Variants in PTPRD observed in about 807,000 individuals in gnomAD.
PTPRD encodes receptor-type tyrosine-protein phosphatase delta.
Under a neutral mutation model 214.5 loss-of-function variants are expected in PTPRD, and 34 were observed. The observed-to-expected ratio is 0.16, with a 90% CI of 0.12 to 0.21. The LOEUF is 0.21. Ranked by LOEUF, PTPRD falls within the 10% of genes least tolerant of loss-of-function variation. The pLI, the probability that PTPRD is intolerant of heterozygous loss-of-function variation, is 1.00. For synonymous variants in PTPRD, 1,128 were observed against 845.7 expected (o/e 1.33, Z -5.79); for missense variants, 2,545 against 2,398.7 (o/e 1.06, Z -1.27).
chr9:8,843,985 A>T (rs1359548038), intron 11 of PTPRD, among the ~76,000 whole-genome samples: 3 of 152,310 alleles, frequency 2.0e-5, no homozygotes, highest in African/African-American at 7.2e-5. Context: ...GGTATCTGAA[A>T]AATGGTCATC....
chr9:9,569,946 A>C (rs1014266283), intron 8 of PTPRD, among the ~76,000 whole-genome samples: 3 of 151,606 alleles, frequency 2.0e-5, no homozygotes, highest in Non-Finnish European at 4.4e-5. Context: ...TTTTGTAACA[A>C]GTAAATATCA....
In PTPRD at chr9:8,546,504, C is replaced by CT. The variant is rs568213553; in HGVS notation, c.353-17726dup. Among the ~76,000 whole-genome samples the CT allele has an allele frequency of 2.1e-3, 313 of 147,714 alleles. 6 individuals carry two copies. The South Asian group carries it at 0.027, about 13-fold the overall frequency. On this transcript the variant is annotated intron_variant, in intron 14 of 45. Coordinates refer to ENST00000381196, the MANE Select transcript of PTPRD (RefSeq NM_002839.4). ...TGGTTTTTCTTTCTTTTTTCTTTTT[C>CT]TTTTTTTTTTGTGAGACAGAGTCTC...
At chr9:9,483,795 T>C (rs75368672) in intron 8 of PTPRD, among the ~76,000 whole-genome samples, 1 of 151,220 alleles carries the variant, frequency 6.6e-6, no homozygotes, top group Non-Finnish European at 1.5e-5. Flanking sequence ...TTTTTTTTTT[T>C]AAGTCATGCT....
intron 43 of PTPRD, among the ~76,000 whole-genome samples, chr9:8,334,104 C>T (rs996202987): frequency 3.3e-5 from 5 of 151,982 alleles, no homozygotes; most frequent in African/African-American, 1.2e-4. Context: ...ACTTTAACAC[C>T]CCACTGTCAA....
In PTPRD at chr9:10,096,509, A is replaced by G. The variant is rs530782510; in HGVS notation, c.-544-62719T>C. Among the ~76,000 whole-genome samples, 544 of 151,986 alleles carry G rather than the reference A, an allele frequency of 3.6e-3. 2 individuals are homozygous for G. Among genetic ancestry groups the G allele is most frequent in the African/African-American group, 0.013 (521 of 41,466 alleles). ...GGCCAGTGATGATGAGCATTTTTTC[A>G]TGTGTCTTTTGGCTGCATAAATGTC... On this transcript the variant is annotated intron_variant, in intron 3 of 45. Coordinates refer to ENST00000381196, the MANE Select transcript of PTPRD (RefSeq NM_002839.4).
At chr9:8,928,380 T>C (rs1588185326) in intron 11 of PTPRD, among the ~76,000 whole-genome samples, 1 of 152,188 alleles carries the variant, frequency 6.6e-6, no homozygotes, top group Admixed American at 6.5e-5. Flanking sequence ...AATTTTTGTA[T>C]AAGGTGTAAG....
intron 12 of PTPRD, among the ~76,000 whole-genome samples, chr9:8,663,537 C>T (rs188073163): frequency 1.3e-5 from 2 of 152,234 alleles, no homozygotes; most frequent in African/African-American, 4.8e-5. Flanking sequence ...GTTGCCCAGG[C>T]TGGAGTGCAG....
chr9:8,943,802 CT>C (rs2099047939), intron 11 of PTPRD, among the ~76,000 whole-genome samples: 1 of 151,090 alleles, frequency 6.6e-6, no homozygotes, highest in African/African-American at 2.4e-5. Flanking sequence ...TATGAAACCA[CT>C]AAAAAAAATG....
At chr9:8,454,707 G>C in intron 33 of PTPRD, 2 of 1,108,984 alleles carry the variant, frequency 1.8e-6, no homozygotes, top group Non-Finnish European at 2.7e-6. Flanking sequence ...CACAAGCAAG[G>C]ACACATAACT....
chr9:9,066,310 G>A (rs1288490195), intron 10 of PTPRD, among the ~76,000 whole-genome samples: 2 of 151,776 alleles, frequency 1.3e-5, no homozygotes, highest in Non-Finnish European at 2.9e-5. Context: ...TTTTTTTCAT[G>A]AGAATGTTTT....
intron 11 of PTPRD, among the ~76,000 whole-genome samples, chr9:8,835,761 C>G (rs2154531115): frequency 6.6e-6 from 1 of 152,286 alleles, no homozygotes; most frequent in African/African-American, 2.4e-5. Flanking sequence ...TGGTCTTGAA[C>G]TCCTGGGCTC....
At chr9:8,688,132 C>T (rs10977250) in intron 12 of PTPRD, among the ~76,000 whole-genome samples, 42,370 of 152,024 alleles carry the variant, frequency 0.28, 6,768 homozygotes, top group African/African-American at 0.44. Context: ...ATTTACAATG[C>T]TGAATAAATG....
intron 10 of PTPRD, among the ~76,000 whole-genome samples, chr9:9,091,612 G>T (rs2099776052): frequency 6.6e-6 from 1 of 152,126 alleles, no homozygotes; most frequent in South Asian, 2.1e-4. Context: ...AACACACTCA[G>T]TAAGTATTTG....
At chr9:9,643,904 A>C (rs988729218) in intron 7 of PTPRD, among the ~76,000 whole-genome samples, 1 of 152,204 alleles carries the variant, frequency 6.6e-6, no homozygotes, top group Non-Finnish European at 1.5e-5. Context: ...TGCCCGCTAA[A>C]GAATTATGTC....
At chr9:8,581,524 G>T (rs1023933016) in intron 14 of PTPRD, among the ~76,000 whole-genome samples, 1 of 148,050 alleles carries the variant, frequency 6.8e-6, no homozygotes, top group African/African-American at 2.5e-5. Context: ...CGAGGTGGGC[G>T]GATCACGAGG....
At chr9:8,436,808 T>C (rs1381699147) in intron 34 of PTPRD, 119 bp from the exon 35 acceptor site, 4 of 756,578 alleles carry the variant, frequency 5.3e-6, no homozygotes, top group Non-Finnish European at 6.4e-6. Context: ...GTAGTAAAGA[T>C]GTTTTAGGTG....
chr9:8,768,341 A>G lies in PTPRD; in HGVS notation c.-103-34395T>C, dbSNP rs72702333. ...TGATGCAGGTGGATCCCTTGAGCCT[A>G]TAAGTTCAGGACCAGTCTGAGCAAC... On this transcript the variant is annotated intron_variant, in intron 11 of 45. Transcript: ENST00000381196. Among the ~76,000 whole-genome samples, 1,178 of 152,316 alleles carry G rather than the reference A, an allele frequency of 7.7e-3. 4 individuals are homozygous for G. The highest frequency in any genetic ancestry group is 0.051 in the Middle Eastern group (15 of 294).
intron 2 of PTPRD, among the ~76,000 whole-genome samples, chr9:10,447,272 A>T (rs2098806651): frequency 6.6e-6 from 1 of 152,042 alleles, no homozygotes; most frequent in Non-Finnish European, 1.5e-5. Context: ...AGCACATGGC[A>T]TGCAGAGAAA....
At chr9:10,239,464 C>T (rs1421817940) in intron 3 of PTPRD, among the ~76,000 whole-genome samples, 1 of 151,878 alleles carries the variant, frequency 6.6e-6, no homozygotes, top group African/African-American at 2.4e-5. Context: ...ATTACTCACC[C>T]TTTATTTCTG....
Sources: allele counts gnomAD v4.1 joint callset (sites outside exome capture counted in the v4.1 genomes callset), GRCh38; gene constraint gnomAD v4.1.1; transcripts MANE v1.5; gene names NCBI Gene and HGNC (gene_info 2026-07-23, HGNC 2026-07-21).